Variants in KIF2C observed in about 807,000 individuals in gnomAD.
KIF2C encodes kinesin family member 2C.
KIF2C carries 34 observed loss-of-function variants against 97.4 expected under a neutral mutation model. That is an observed-to-expected ratio of 0.35 (90% CI 0.27 to 0.46). The LOEUF is 0.46. Among genes scored for constraint, KIF2C ranks in the 20% least tolerant of loss-of-function variants. The pLI is 1.00. For missense variants in KIF2C, 750 were observed against 907.6 expected, an observed-to-expected ratio of 0.83 and a Z score of 2.23; for synonymous variants, 313 against 318.2, an observed-to-expected ratio of 0.98 and a Z score of 0.17.
intron 16 of KIF2C, 109 bp from the exon 17 acceptor site, chr1:44,761,807 G>A: frequency 1.0e-6 from 1 of 982,132 alleles, no homozygotes; most frequent in Non-Finnish European, 1.6e-6. Context: ...AATACCATGT[G>A]GGTCTCCAAA....
At chr1:44,756,323 G>A (rs990689727) in intron 10 of KIF2C, 86 bp downstream of exon 10, 6 of 1,352,588 alleles carry the variant, frequency 4.4e-6, no homozygotes, top group East Asian at 2.3e-5. Context: ...ACTCACAGAC[G>A]TGCTGAATTC....
chr1:44,744,223 T>G (rs1249990245), intron 2 of KIF2C, among the ~76,000 whole-genome samples: 1 of 152,112 alleles, frequency 6.6e-6, no homozygotes, highest in Non-Finnish European at 1.5e-5. Flanking sequence ...TTCTCCTCAC[T>G]CAGTCTCCCA....
rs191999165 is a variant in KIF2C, at chr1:44,766,725, G to A, written c.1972-101G>A. ...GCCAGGGTATGGGTCAGGGACCAGA[G>A]GTAAAGCATCTTACTCAGGTGTCTG... On this transcript the variant is annotated intron_variant, in intron 19 of 20. Transcript: ENST00000372224. The A allele has an allele frequency of 5.2e-6, 7 of 1,333,738 alleles. No individual in the cohort carries two copies. The East Asian group carries it at 1.2e-4, about 23-fold the overall frequency. 82.6% of individuals were successfully genotyped at this position (1,333,738 alleles called of 1,614,324 possible). A position where few individuals can be genotyped will look rare whatever the true frequency, so the allele number is the denominator to read the frequency against.
At chr1:44,742,665 G>A (rs548191395) in intron 2 of KIF2C, among the ~76,000 whole-genome samples, 1 of 149,180 alleles carries the variant, frequency 6.7e-6, no homozygotes, top group African/African-American at 2.5e-5. Flanking sequence ...GTTGCAGTGA[G>A]CTGAGATCAT....
rs3820586 is a variant in KIF2C at position 44,739,926 on chromosome 1, T to C, written c.-7T>C. On this transcript the variant is annotated 5_prime_UTR_variant, in exon 1 of 21. Transcript: ENST00000372224. ...TTGCGCGTTTCTCTTCCTTGCTGAC[T>C]CTCCGAATGGCCATGGACTCGTCGC... 0.2 allele frequency: 317,548 copies of C among 1,613,316 alleles called. 34,671 individuals carry two copies. Among genetic ancestry groups the C allele is most frequent in the African/African-American group, 0.46 (34,512 of 74,954 alleles).
rs973906564 is a variant in KIF2C at position 44,766,264 on chromosome 1, C to T, written c.1972-562C>T. On this transcript the variant is annotated intron_variant, in intron 19 of 20. Coordinates refer to ENST00000372224, the MANE Select transcript of KIF2C (RefSeq NM_006845.4). ...AAAATAAAATCACTCAAATTTCTAGCTTGGGCATCAGGACCAATGATGTTA... is the reference window on the plus strand; with the variant it reads ...AAAATAAAATCACTCAAATTTCTAGTTTGGGCATCAGGACCAATGATGTTA... Among the ~76,000 whole-genome samples the T allele has an allele frequency of 1.4e-4, 21 of 151,876 alleles. No individual in the cohort carries two copies. In the South Asian group the frequency reaches 1.9e-3, roughly 14 times the overall value.
intron 10 of KIF2C, 36 bp downstream of exon 10, chr1:44,756,273 C>G (rs767696820): frequency 1.3e-6 from 2 of 1,598,162 alleles, no homozygotes; most frequent in Non-Finnish European, 1.7e-6. Context: ...CTCCTTGTGC[C>G]CTTCCATCCC....
At chr1:44,750,618 C>A in intron 5 of KIF2C, 54 bp downstream of exon 5, 1 of 1,411,366 alleles carries the variant, frequency 7.1e-7, no homozygotes, top group Non-Finnish European at 9.4e-7. Flanking sequence ...GAGCACATTG[C>A]TTGGTCCCTG....
intron 16 of KIF2C, 72 bp from the exon 17 acceptor site, chr1:44,761,843 GC>G: frequency 7.3e-7 from 1 of 1,364,842 alleles, no homozygotes; most frequent in Non-Finnish European, 1.0e-6. Flanking sequence ...CTGACTGGAG[GC>G]CCCTCAGGGA....
intron 10 of KIF2C, 62 bp downstream of exon 10, chr1:44,756,299 A>G: frequency 1.3e-6 from 2 of 1,531,886 alleles, no homozygotes; most frequent in Non-Finnish European, 1.8e-6. Flanking sequence ...TTTGTGGGAC[A>G]TCGTGGTAAC....
Position 44,740,066 on chromosome 1 carries a change from C to T in KIF2C, c.70+64C>T, listed in dbSNP as rs115341790. The T allele has an allele frequency of 2.1e-4, 332 of 1,565,974 alleles. 1 individual carries two copies. The African/African-American group carries it at 3.9e-3, about 18-fold the overall frequency. ...CGGTGAGACGACTGAAATTACTGCC[C>T]GTCCCCGGACACACAGATGGGCTTT... is the stretch of plus-strand genomic sequence containing the variant. On this transcript the variant is annotated intron_variant, in intron 1 of 20. Coordinates refer to ENST00000372224, the MANE Select transcript of KIF2C (RefSeq NM_006845.4).
At chr1:44,762,707 T>C (rs1242724940) in intron 19 of KIF2C, 49 bp downstream of exon 19, 1 of 1,192,510 alleles carries the variant, frequency 8.4e-7, no homozygotes, top group East Asian at 2.3e-5. Flanking sequence ...CGGCCCTCAG[T>C]ATGCTCCACA....
In KIF2C at chr1:44,760,434, C is replaced by A. The variant is rs1448625663; in HGVS notation, c.1522C>A (p.Gln508Lys). The A allele has an allele frequency of 6.2e-7, 1 of 1,614,090 alleles. No homozygotes were observed. The highest frequency in any genetic ancestry group is 2.2e-5 in the East Asian group (1 of 44,902). Residue 508 changes from glutamine (Q) to lysine (K), a missense_variant, in exon 15 of 21, where the codon CAG becomes AAG. Physicochemically the swap from Gln to Lys is moderately conservative, Grantham distance 53. Coordinates refer to ENST00000372224, the MANE Select transcript of KIF2C (RefSeq NM_006845.4). This position sits in a 1 kb window ranked among gnomAD's most constrained non-coding sequence, Gnocchi z 4.2. ...RGADTSSADR[Q>K]TRMEGAEINK... ...CGCGGACACTTCCAGTGCTGACCGGCAGACCCGCATGGAGGGCGCAGAAAT... is the reference window on the plus strand; with the variant it reads ...CGCGGACACTTCCAGTGCTGACCGGAAGACCCGCATGGAGGGCGCAGAAAT...
Position 44,747,471 on chromosome 1 carries a change from A to T in KIF2C, c.253A>T (p.Asn85Tyr), listed in dbSNP as rs1275540332. 5 of 1,607,978 alleles carry T rather than the reference A, an allele frequency of 3.1e-6. No homozygotes were observed. The highest frequency in any genetic ancestry group is 2.2e-5 in the South Asian group (2 of 89,118). Residue 85 changes from asparagine (N) to tyrosine (Y), a missense_variant, in exon 3 of 21, where the codon AAT (asparagine) becomes TAT (tyrosine). Coordinates refer to ENST00000372224, the MANE Select transcript of KIF2C (RefSeq NM_006845.4). ...GAAGGACAATCTGCCCTTGCAGGAA[A>T]ATGTAACAATCCAGGTAGGTGCCTG... is the stretch of plus-strand genomic sequence containing the variant. ...HPKDNLPLQE[N>Y]VTIQKQKRRS...
Position 44,757,894 on chromosome 1 carries a change from C to G in KIF2C, c.1069-14C>G, listed in dbSNP as rs1649924476. 1.2e-6 allele frequency: 2 copies of G among 1,613,482 alleles called. No individual in the cohort carries two copies. Among genetic ancestry groups the G allele is most frequent in the African/African-American group, 2.7e-5 (2 of 74,918 alleles). ...CAGCCCTTTTCCATGGTCTTCTACC[C>G]CTTCCCTTTGCAGACTATGGGCGGA... On this transcript the variant is annotated splice_polypyrimidine_tract_variant and intron_variant, in intron 11 of 20. Transcript: ENST00000372224.
intron 1 of KIF2C, 82 bp downstream of exon 1, chr1:44,740,084 T>C: frequency 6.7e-7 from 1 of 1,492,514 alleles, no homozygotes; most frequent in Non-Finnish European, 9.4e-7. Flanking sequence ...GACACACAGA[T>C]GGGCTTTCAC....
intron 5 of KIF2C, among the ~76,000 whole-genome samples, chr1:44,751,352 C>G (rs1369674186): frequency 6.6e-6 from 1 of 151,888 alleles, no homozygotes; most frequent in South Asian, 2.1e-4. Context: ...TGTGCCACCA[C>G]GCCCGGCTAA....
intron 4 of KIF2C, among the ~76,000 whole-genome samples, chr1:44,749,234 A>G (rs916424749): frequency 6.6e-6 from 1 of 152,020 alleles, no homozygotes; most frequent in Non-Finnish European, 1.5e-5. Context: ...GGAGTTCAAG[A>G]CTAGCCTGGC....
chr1:44,765,188 T>C (rs955983035), intron 19 of KIF2C, among the ~76,000 whole-genome samples: 6 of 150,718 alleles, frequency 4.0e-5, no homozygotes, highest in Non-Finnish European at 7.4e-5. Context: ...CTTTGGGAGG[T>C]CAAGGAAGGA....
Sources: allele counts gnomAD v4.1 joint callset (sites outside exome capture counted in the v4.1 genomes callset), GRCh38; gene constraint gnomAD v4.1.1; non-coding constraint Gnocchi (gnomAD v3.1); transcripts MANE v1.5; gene names NCBI Gene and HGNC (gene_info 2026-07-23, HGNC 2026-07-21).